The following PDE3A variants were observed in gnomAD, a reference collection of about 807,000 sequenced individuals.
The protein encoded by PDE3A is phosphodiesterase 3A.
Under a neutral mutation model 98.3 loss-of-function variants are expected in PDE3A, and 43 were observed. That is an observed-to-expected ratio of 0.44 (90% CI 0.34 to 0.56). The LOEUF (loss-of-function observed/expected upper bound fraction) is 0.56. PDE3A is among the 20% of genes least tolerant of loss of function. The pLI, the probability that PDE3A is intolerant of heterozygous loss-of-function variation, is 0.01. For synonymous variants in PDE3A, 663 were observed against 567.9 expected (o/e 1.17, Z -2.38); for missense variants, 1,427 against 1,440.7 (o/e 0.99, Z 0.15).
At chr12:20,427,132 C>T (rs1298925774) in intron 1 of PDE3A, among the ~76,000 whole-genome samples, 1 of 152,112 alleles carries the variant, frequency 6.6e-6, no homozygotes, top group Admixed American at 6.6e-5. Context: ...TTAGGTTCAG[C>T]AGGTAATTAA....
At chr12:20,493,530 A>G (rs938389829) in intron 1 of PDE3A, among the ~76,000 whole-genome samples, 5 of 152,178 alleles carry the variant, frequency 3.3e-5, no homozygotes, top group South Asian at 2.1e-4. Context: ...CTGAGATACC[A>G]AGGGTTGACT....
intron 1 of PDE3A, among the ~76,000 whole-genome samples, chr12:20,402,127 C>T (rs1305707142): frequency 6.6e-6 from 1 of 152,050 alleles, no homozygotes; most frequent in Non-Finnish European, 1.5e-5. Context: ...AGGGAGCTAA[C>T]AAGACCTCCT....
chr12:20,480,746 G>A (rs566249320), intron 1 of PDE3A, among the ~76,000 whole-genome samples: 1 of 152,312 alleles, frequency 6.6e-6, no homozygotes, highest in South Asian at 2.1e-4. Flanking sequence ...TAGTAGGGCA[G>A]TGTGAAAGGA....
At chr12:20,577,349 G>C (rs962379129) in intron 2 of PDE3A, among the ~76,000 whole-genome samples, 1 of 152,122 alleles carries the variant, frequency 6.6e-6, no homozygotes, top group African/African-American at 2.4e-5. Context: ...TACATACCTT[G>C]TTTGCCCTGC....
At chr12:20,679,287 G>A (rs1945711124) in intron 15 of PDE3A, among the ~76,000 whole-genome samples, 1 of 152,102 alleles carries the variant, frequency 6.6e-6, no homozygotes. Flanking sequence ...TCGCTCTGTT[G>A]CCCAGGCTGG....
chr12:20,661,262 C>A (rs1008338071), intron 15 of PDE3A, among the ~76,000 whole-genome samples: 2 of 152,116 alleles, frequency 1.3e-5, no homozygotes, highest in Admixed American at 6.6e-5. Context: ...CATTCAAAGG[C>A]AACTTGGGTG....
chr12:20,555,622 T>C (rs2121268673), intron 1 of PDE3A, among the ~76,000 whole-genome samples: 1 of 152,362 alleles, frequency 6.6e-6, no homozygotes, highest in South Asian at 2.1e-4. Flanking sequence ...TTAAAAATAC[T>C]GTTAGCTTTT....
chr12:20,506,012 C>A (rs1245057104), intron 1 of PDE3A, among the ~76,000 whole-genome samples: 1 of 151,422 alleles, frequency 6.6e-6, no homozygotes, highest in Non-Finnish European at 1.5e-5. Context: ...GTGGATAGGG[C>A]TATTTATTTG....
At chr12:20,421,774 T>C (rs1434212721) in intron 1 of PDE3A, among the ~76,000 whole-genome samples, 1 of 152,120 alleles carries the variant, frequency 6.6e-6, no homozygotes, top group African/African-American at 2.4e-5. Context: ...GTCTAGCTTC[T>C]TGCTCCTTTG....
intron 2 of PDE3A, among the ~76,000 whole-genome samples, chr12:20,586,663 TG>T (rs1325263446): frequency 2.6e-5 from 4 of 152,222 alleles, no homozygotes; most frequent in African/African-American, 9.6e-5. Context: ...TGGAAAATAA[TG>T]GTTTTAAAGG....
chr12:20,399,529 T>G (rs1332256156), intron 1 of PDE3A, among the ~76,000 whole-genome samples: 1 of 152,208 alleles, frequency 6.6e-6, no homozygotes, highest in Non-Finnish European at 1.5e-5. Context: ...AATTTTCATT[T>G]AAAACTGAAA....
intron 1 of PDE3A, among the ~76,000 whole-genome samples, chr12:20,404,826 G>GTTTTTTTTTTT (rs60736941): frequency 1.1e-5 from 1 of 95,106 alleles, no homozygotes; most frequent in Non-Finnish European, 1.9e-5. Flanking sequence ...AGGTTACAGA[G>GTTTTTTTTTTT]TTTTTTTTTT....
chr12:20,444,109 T>C (rs1944913803), intron 1 of PDE3A, among the ~76,000 whole-genome samples: 1 of 151,890 alleles, frequency 6.6e-6, no homozygotes, highest in Admixed American at 6.6e-5. Context: ...TGTAGAGGAG[T>C]CTTTAAAGAT....
At chr12:20,397,713 A>C (rs190920364) in intron 1 of PDE3A, among the ~76,000 whole-genome samples, 4 of 152,190 alleles carry the variant, frequency 2.6e-5, no homozygotes, top group Admixed American at 2.0e-4. Flanking sequence ...TTCAATTTAG[A>C]GTGTAAAATA....
intron 1 of PDE3A, among the ~76,000 whole-genome samples, chr12:20,454,966 A>G (rs955659028): frequency 2.0e-5 from 3 of 152,150 alleles, no homozygotes; most frequent in Non-Finnish European, 4.4e-5. Context: ...AGAACAGTTT[A>G]TGTTCCTTTG....
At chr12:20,386,172 A>AATATATAT (rs1943791116) in intron 1 of PDE3A, among the ~76,000 whole-genome samples, 2 of 47,118 alleles carry the variant, frequency 4.2e-5, no homozygotes, top group African/African-American at 1.8e-4. Flanking sequence ...TAAATATATA[A>AATATATAT]AAATATATAT....
chr12:20,674,146 AT>A (rs1046371115), intron 15 of PDE3A, among the ~76,000 whole-genome samples: 2 of 152,184 alleles, frequency 1.3e-5, no homozygotes, highest in African/African-American at 2.4e-5. Flanking sequence ...AATACTACTG[AT>A]TTTTTTGTAT....
At chr12:20,441,313 G>A (rs1404290441) in intron 1 of PDE3A, among the ~76,000 whole-genome samples, 1 of 152,130 alleles carries the variant, frequency 6.6e-6, no homozygotes, top group African/African-American at 2.4e-5. Context: ...CATTGAGTGG[G>A]TTCTGAAGGG....
intron 15 of PDE3A, among the ~76,000 whole-genome samples, chr12:20,675,851 CT>C (rs1290929483): frequency 6.6e-6 from 1 of 152,090 alleles, no homozygotes; most frequent in African/African-American, 2.4e-5. Flanking sequence ...TCTTTTCTAT[CT>C]TTTACTTCTA....
Sources: gnomAD v4.1 joint callset for allele counts (sites outside exome capture counted in the v4.1 genomes callset) on GRCh38, gnomAD v4.1.1 for gene constraint, MANE v1.5 for transcripts, NCBI Gene and HGNC (gene_info 2026-07-23, HGNC 2026-07-21) for gene names.